Variants in EFCAB12 observed in about 807,000 individuals in gnomAD.
EFCAB12 encodes the protein EF-hand calcium binding domain 12.
In EFCAB12, 43 loss-of-function variants were observed where a neutral mutation model predicts 53.6. That is an observed-to-expected ratio of 0.80 (90% CI 0.63 to 1.03). The LOEUF (loss-of-function observed/expected upper bound fraction) is 1.03. Among genes scored for constraint, EFCAB12 ranks in the 50% least tolerant of loss-of-function variants. The probability of loss-of-function intolerance (pLI) is 0.00; values close to 1 mark genes in which losing one functional copy is unlikely to be tolerated. For synonymous variants in EFCAB12, 269 were observed against 289.2 expected (o/e 0.93, Z 0.71); for missense variants, 646 against 730.6 (o/e 0.88, Z 1.34).
At chr3:129,427,263 T>C (rs990942199) in intron 1 of EFCAB12, among the ~76,000 whole-genome samples, 4 of 152,182 alleles carry the variant, frequency 2.6e-5, no homozygotes, top group African/African-American at 4.8e-5. Flanking sequence ...GTGCTGGGAT[T>C]ACAGGCGTGA....
rs1559791983 is a variant in EFCAB12 at position 129,421,691 on chromosome 3, C to T, written c.162G>A (p.Gln54=). Residue 54 remains glutamine (Q), a synonymous_variant, in exon 2 of 9, where the codon CAG becomes CAA. Coordinates refer to ENST00000505956, the MANE Select transcript of EFCAB12 (RefSeq NM_207307.3). ...QFQQKDFRLP[Q]TRRRIIMVPR... Reference sequence around the variant, plus strand: ...GCACCATGATGATTCGCCGGCGGGTCTGAGGCAGGCGGAAGTCCTTCTGCT... The same window carrying T: ...GCACCATGATGATTCGCCGGCGGGTTTGAGGCAGGCGGAAGTCCTTCTGCT... 1.9e-6 allele frequency: 3 copies of T among 1,613,822 alleles called. No homozygotes were observed. The highest frequency in any genetic ancestry group is 1.7e-6 in the Non-Finnish European group (2 of 1,179,860).
chr3:129,411,168 C>T lies in EFCAB12; in HGVS notation c.1025G>A (p.Arg342Gln), dbSNP rs1361512534. The T allele has an allele frequency of 6.3e-6, 10 of 1,583,668 alleles. No individual in the cohort carries two copies. Among genetic ancestry groups the T allele is most frequent in the African/African-American group, 1.3e-5 (1 of 74,336 alleles). ...EVGKRYRERQ[R>Q]QHKLTIPSIQ... Reference sequence around the variant, plus strand: ...GGGCTGGCGAGGTACCTTGTGCTGTCGCTGCCGCTCGCGGTACCGCTTGCC... The same window carrying T: ...GGGCTGGCGAGGTACCTTGTGCTGTTGCTGCCGCTCGCGGTACCGCTTGCC... The change falls in exon 5 of 9, where the codon CGA (arginine) becomes CAA (glutamine). Residue 342 changes from arginine (R) to glutamine (Q), a missense_variant. Physicochemically the swap from Arg to Gln is conservative, Grantham distance 43. Coordinates refer to ENST00000505956, the MANE Select transcript of EFCAB12 (RefSeq NM_207307.3).
chr3:129,418,294 T>G lies in EFCAB12; in HGVS notation c.641A>C (p.Gln214Pro), dbSNP rs2072145131. ...IFHKVGQGEN[Q>P]RITREEFIAA... ...GATGAACTCCTCCCTGGTGATTCTC[T>G]GGTTCTCACCCTGGCCCACCTTGTG... Residue 214 changes from glutamine (Q) to proline (P), a missense_variant, in exon 3 of 9, where the codon CAG (glutamine) becomes CCG (proline). Physicochemically the swap from Gln to Pro is moderately conservative, Grantham distance 76. Transcript: ENST00000505956. 6.2e-7 allele frequency: 1 copy of G among 1,613,150 alleles called. No individual in the cohort carries two copies. The highest frequency in any genetic ancestry group is 1.1e-5 in the South Asian group (1 of 90,942).
At position 129,415,319 on chromosome 3, in the gene EFCAB12, A is replaced by C; in HGVS notation, c.764T>G (p.Met255Arg). Residue 255 changes from methionine (M) to arginine (R), a missense_variant, in exon 4 of 9, where the codon ATG (methionine) becomes AGG (arginine). Transcript: ENST00000505956. ...CTTGTAGGTATTGGCCAGGATATCC[A>C]TGGTGATGGTGTTGTGCTTCCCAAG... is the stretch of plus-strand genomic sequence containing the variant. Reference protein sequence around the residue: ...SSLGKHNTITMDILANTYKQW... With the variant: ...SSLGKHNTITRDILANTYKQW... 6.2e-7 allele frequency: 1 copy of C among 1,613,588 alleles called. No individual in the cohort carries two copies. The highest frequency in any genetic ancestry group is 1.3e-5 in the African/African-American group (1 of 75,012).
chr3:129,422,280 G>A (rs1420462314), intron 1 of EFCAB12, among the ~76,000 whole-genome samples: 3 of 152,074 alleles, frequency 2.0e-5, no homozygotes, highest in Non-Finnish European at 4.4e-5. Context: ...CTATTTTATC[G>A]GATGGGAGTG....
At chr3:129,406,491 G>A (rs1295019121) in intron 6 of EFCAB12, among the ~76,000 whole-genome samples, 1 of 152,176 alleles carries the variant, frequency 6.6e-6, no homozygotes, top group Non-Finnish European at 1.5e-5. Flanking sequence ...GTGCACGTGT[G>A]TGTGTATGAG....
chr3:129,428,599 C>G lies in EFCAB12; in HGVS notation c.-111G>C. 7.4e-7 allele frequency: 1 copy of G among 1,355,810 alleles called. No individual in the cohort carries two copies. Among genetic ancestry groups the G allele is most frequent in the Non-Finnish European group, 1.0e-6 (1 of 990,872 alleles). The allele number at this position is 1,355,810 out of a possible 1,614,324, so 84.0% of individuals were successfully genotyped here. On this transcript the variant is annotated 5_prime_UTR_variant, in exon 1 of 9. Transcript: ENST00000505956. ...AGATAAACCGTAACTCCAAGTCGTGCGAAAGGCGCTCAGCTCAGACTGCAG... is the reference window on the plus strand; with the variant it reads ...AGATAAACCGTAACTCCAAGTCGTGGGAAAGGCGCTCAGCTCAGACTGCAG...
chr3:129,404,288 G>A lies in EFCAB12; in HGVS notation c.1365C>T (p.Leu455=), dbSNP rs1013846355. The change falls in exon 7 of 9, where the codon CTC becomes CTT. Residue 455 remains leucine, a synonymous_variant. Coordinates refer to ENST00000505956, the MANE Select transcript of EFCAB12 (RefSeq NM_207307.3). ...TAGACTTGCCAGGGCCCTGGGACCG[G>A]AGCAGAGCCAGATTCGGAGAAAAGA... The part of the protein sequence containing the change: ...WKVFSPNLAL[L]RSQGPGKSKR... 5.0e-6 allele frequency: 8 copies of A among 1,613,774 alleles called. No homozygotes were observed. Among genetic ancestry groups the A allele is most frequent in the Non-Finnish European group, 5.9e-6 (7 of 1,179,860 alleles).
At position 129,411,151 on chromosome 3, in the gene EFCAB12, G is replaced by A. The variant is rs1435168029; in HGVS notation, c.1035+7C>T. On this transcript the variant is annotated splice_region_variant and intron_variant, in intron 5 of 8. Coordinates refer to ENST00000505956, the MANE Select transcript of EFCAB12 (RefSeq NM_207307.3). ...AGCCGCATGCTCTCCTTGGGCTGGC[G>A]AGGTACCTTGTGCTGTCGCTGCCGC... 6 of 1,563,622 alleles carry A rather than the reference G, an allele frequency of 3.8e-6. No homozygotes were observed. Among genetic ancestry groups the A allele is most frequent in the South Asian group, 1.2e-5 (1 of 85,796 alleles).
chr3:129,411,045 C>T lies in EFCAB12; in HGVS notation c.1035+113G>A, dbSNP rs542325080. On this transcript the variant is annotated intron_variant, in intron 5 of 8. Coordinates refer to ENST00000505956, the MANE Select transcript of EFCAB12 (RefSeq NM_207307.3). ...CGTGAAGAAGGGGTGGTTGTAGAGG[C>T]GAAGACCCCCCTCCCCAGGGTTCTG... 233 of 1,195,304 alleles carry T rather than the reference C, an allele frequency of 1.9e-4. 3 individuals are homozygous for T. The African/African-American group carries it at 2.4e-3, about 12-fold the overall frequency. The allele number at this position is 1,195,304 out of a possible 1,614,324, so 74.0% of individuals were successfully genotyped here.
intron 1 of EFCAB12, 148 bp downstream of exon 1, chr3:129,428,292 T>G: frequency 9.0e-7 from 1 of 1,114,570 alleles, no homozygotes; most frequent in Non-Finnish European, 1.3e-6. Context: ...ATCTCAGAAA[T>G]GTACATGACC....
At chr3:129,424,814 C>T (rs775098585) in intron 1 of EFCAB12, among the ~76,000 whole-genome samples, 7 of 152,228 alleles carry the variant, frequency 4.6e-5, no homozygotes, top group Non-Finnish European at 1.0e-4. Context: ...GGCTGGGCAC[C>T]TACCGTGGTT....
At chr3:129,411,034 G>A (rs1354867685) in intron 5 of EFCAB12, 124 bp downstream of exon 5, 1 of 971,756 alleles carries the variant, frequency 1.0e-6, no homozygotes, top group Non-Finnish European at 1.5e-6. Context: ...AAGAAGGGGT[G>A]GTTGTAGAGG....
chr3:129,419,901 AG>A (rs1469487029), intron 2 of EFCAB12, among the ~76,000 whole-genome samples: 1 of 152,256 alleles, frequency 6.6e-6, no homozygotes, highest in Non-Finnish European at 1.5e-5. Flanking sequence ...CCCAGGCCGT[AG>A]GAAGACAGGC....
At chr3:129,413,142 G>A (rs1412189142) in intron 4 of EFCAB12, 3 of 152,268 alleles carry the variant, frequency 2.0e-5, no homozygotes, top group African/African-American at 7.2e-5. Context: ...ACTGCAAGAA[G>A]AACTACTGGA....
chr3:129,407,624 ATTC>A (rs1405095344), intron 6 of EFCAB12, among the ~76,000 whole-genome samples: 4 of 152,158 alleles, frequency 2.6e-5, no homozygotes, highest in African/African-American at 9.7e-5. Flanking sequence ...AAATTTATAC[ATTC>A]ACCAGGCCGG....
intron 3 of EFCAB12, among the ~76,000 whole-genome samples, chr3:129,417,376 A>AC (rs2072131967): frequency 7.2e-6 from 1 of 139,402 alleles, no homozygotes; most frequent in Non-Finnish European, 1.5e-5. Flanking sequence ...AAAAAAAAAA[A>AC]CTAAAAACAA....
chr3:129,402,837 T>C, intron 7 of EFCAB12: 1 of 465,870 alleles, frequency 2.1e-6, no homozygotes, highest in Non-Finnish European at 3.9e-6. Flanking sequence ...CCCTTTCTCA[T>C]CCTTGGTTTT....
chr3:129,425,321 AT>A (rs2072257536), intron 1 of EFCAB12, among the ~76,000 whole-genome samples: 1 of 152,070 alleles, frequency 6.6e-6, no homozygotes, highest in Non-Finnish European at 1.5e-5. Context: ...TGCTCTTTGA[AT>A]AAATACCCGC....
Sources: allele counts gnomAD v4.1 joint callset (sites outside exome capture counted in the v4.1 genomes callset), GRCh38; gene constraint gnomAD v4.1.1; transcripts MANE v1.5; gene names NCBI Gene and HGNC (gene_info 2026-07-23, HGNC 2026-07-21).